The following CATSPERT variants were observed in gnomAD, a reference collection of about 807,000 sequenced individuals.
CATSPERT encodes the protein catsper channel auxiliary subunit tau.
chr2:201,519,766 T>A, the CATSPERT span, among the ~76,000 whole-genome samples: 1 of 152,054 alleles, frequency 6.6e-6, no homozygotes, highest in Non-Finnish European at 1.5e-5. Flanking sequence ...ATAAAAAATT[T>A]CTGAATTTGA....
At chr2:201,568,117 T>C in the CATSPERT span, among the ~76,000 whole-genome samples, 1 of 152,180 alleles carries the variant, frequency 6.6e-6, no homozygotes, top group Non-Finnish European at 1.5e-5. Flanking sequence ...CTTCACTGTA[T>C]ACAGGATGTC....
At chr2:201,534,363 A>G in the CATSPERT span, 1 of 958,770 alleles carries the variant, frequency 1.0e-6, no homozygotes, top group South Asian at 4.8e-5. Flanking sequence ...TAGGTTTTGG[A>G]GTGGTTTGTT....
At chr2:201,560,866 T>G in the CATSPERT span, among the ~76,000 whole-genome samples, 1 of 151,854 alleles carries the variant, frequency 6.6e-6, no homozygotes, top group Non-Finnish European at 1.5e-5. Context: ...CACTGCAACC[T>G]CTGCCTCCCA....
At chr2:201,526,835 T>C in the CATSPERT span, among the ~76,000 whole-genome samples, 2 of 152,270 alleles carry the variant, frequency 1.3e-5, no homozygotes, top group East Asian at 1.9e-4. Context: ...GCTGGAAACA[T>C]TCCCTTGAGA....
the CATSPERT span, among the ~76,000 whole-genome samples, chr2:201,595,655 T>C: frequency 6.6e-6 from 1 of 151,128 alleles, no homozygotes; most frequent in Admixed American, 6.6e-5. Context: ...TTCTCAGATC[T>C]CCAGCTGCGT....
At chr2:201,604,667 T>C in the CATSPERT span, 1 of 1,605,724 alleles carries the variant, frequency 6.2e-7, no homozygotes, top group East Asian at 2.3e-5. Flanking sequence ...AGTTCTTCAC[T>C]ATCAGACTCT....
At chr2:201,596,252 A>G in the CATSPERT span, among the ~76,000 whole-genome samples, 1 of 152,230 alleles carries the variant, frequency 6.6e-6, no homozygotes, top group Non-Finnish European at 1.5e-5. Context: ...GCCATAAAAA[A>G]GATGGAGATC....
chr2:201,526,693 A>G, the CATSPERT span, among the ~76,000 whole-genome samples: 10 of 152,322 alleles, frequency 6.6e-5, no homozygotes, highest in Non-Finnish European at 1.5e-4. Flanking sequence ...AGACATAGAA[A>G]AAGCTTTCAA....
At chr2:201,536,421 T>A in the CATSPERT span, 1 of 1,342,198 alleles carries the variant, frequency 7.5e-7, no homozygotes, top group Non-Finnish European at 9.9e-7. Context: ...ACCCTTATCC[T>A]TTAGCATAAC....
the CATSPERT span, chr2:201,582,358 A>AT: frequency 4.5e-5 from 36 of 793,360 alleles, no homozygotes; most frequent in Non-Finnish European, 6.0e-5. Flanking sequence ...GCAAATAAAT[A>AT]TTATTTGCAT....
chr2:201,502,807 T>C, the CATSPERT span, among the ~76,000 whole-genome samples: 33 of 152,154 alleles, frequency 2.2e-4, no homozygotes, highest in African/African-American at 6.0e-4. Flanking sequence ...TTTGACCATT[T>C]TCTTCAAATC....
At chr2:201,560,532 T>C in the CATSPERT span, among the ~76,000 whole-genome samples, 1 of 151,440 alleles carries the variant, frequency 6.6e-6, no homozygotes, top group African/African-American at 2.4e-5. Flanking sequence ...GCAGAAGAAA[T>C]AGTTTCTGAA....
chr2:201,535,834 C>CTT, the CATSPERT span: 1 of 1,462,144 alleles, frequency 6.8e-7, no homozygotes, highest in South Asian at 1.5e-5. Flanking sequence ...GGGCAGACAC[C>CTT]TTGAGCTCAA....
At chr2:201,600,057 AC>A in the CATSPERT span, among the ~76,000 whole-genome samples, 2 of 152,232 alleles carry the variant, frequency 1.3e-5, no homozygotes, top group Non-Finnish European at 2.9e-5. Flanking sequence ...AACTAGAAAT[AC>A]CATTTAACCC....
the CATSPERT span, among the ~76,000 whole-genome samples, chr2:201,527,739 C>T: frequency 6.6e-6 from 1 of 152,114 alleles, no homozygotes; most frequent in African/African-American, 2.4e-5. Flanking sequence ...CTTCCTTTCA[C>T]CATCTACCAA....
chr2:201,587,062 T>A, the CATSPERT span, among the ~76,000 whole-genome samples: 2 of 152,102 alleles, frequency 1.3e-5, no homozygotes, highest in South Asian at 4.1e-4. Flanking sequence ...ATATGGATCT[T>A]TCACATATCA....
At chr2:201,534,976 G>T in the CATSPERT span, 1 of 369,144 alleles carries the variant, frequency 2.7e-6, no homozygotes, top group Non-Finnish European at 3.7e-6. Flanking sequence ...ATGTACATAT[G>T]CATAAGAAAG....
At chr2:201,593,600 T>A in the CATSPERT span, among the ~76,000 whole-genome samples, 1 of 136,130 alleles carries the variant, frequency 7.3e-6, no homozygotes, top group Non-Finnish European at 1.6e-5. Context: ...CCATTATTAA[T>A]GTGTGGGAGT....
At chr2:201,583,259 T>C in the CATSPERT span, among the ~76,000 whole-genome samples, 53 of 152,130 alleles carry the variant, frequency 3.5e-4, no homozygotes, top group Non-Finnish European at 6.8e-4. Flanking sequence ...ATGATACATT[T>C]AACAGAGGGT....
Sources: gnomAD v4.1 joint callset for allele counts (sites outside exome capture counted in the v4.1 genomes callset) on GRCh38, gnomAD v4.1.1 for gene constraint, MANE v1.5 for transcripts, NCBI Gene and HGNC (gene_info 2026-07-23, HGNC 2026-07-21) for gene names.